Variants in C19orf18 observed in about 807,000 individuals in gnomAD.
C19orf18 encodes the protein uncharacterized protein C19orf18.
A neutral mutation model predicts 23.3 loss-of-function variants in C19orf18; 21 were observed. That is an observed-to-expected ratio of 0.90 (90% confidence interval 0.64 to 1.30). The LOEUF (loss-of-function observed/expected upper bound fraction) is 1.30. Ranked by LOEUF, C19orf18 falls within the 50% of genes most tolerant of loss-of-function variation. The pLI is 0.00. For missense variants in C19orf18, 249 were observed against 259.6 expected, an observed-to-expected ratio of 0.96 and a Z score of 0.28; for synonymous variants, 96 against 95.2, an observed-to-expected ratio of 1.01 and a Z score of -0.05.
At chr19:57,968,140 A>G (rs1176846207) in intron 3 of C19orf18, among the ~76,000 whole-genome samples, 4 of 152,270 alleles carry the variant, frequency 2.6e-5, no homozygotes, top group African/African-American at 4.8e-5. Flanking sequence ...TTCTGGTTCA[A>G]CAGAGGGTGC....
intron 4 of C19orf18, among the ~76,000 whole-genome samples, chr19:57,963,760 G>A (rs2072889646): frequency 6.6e-6 from 1 of 151,990 alleles, no homozygotes; most frequent in South Asian, 2.1e-4. Context: ...CGTGGTGGCG[G>A]GTGCCTGTAG....
intron 3 of C19orf18, among the ~76,000 whole-genome samples, chr19:57,971,925 A>C (rs1459449691): frequency 6.6e-6 from 1 of 152,106 alleles, no homozygotes; most frequent in Admixed American, 6.6e-5. Flanking sequence ...CTCACTCAGC[A>C]TATGTGATTA....
chr19:57,971,088 T>C lies in C19orf18; in HGVS notation c.268+1375A>G, dbSNP rs1030504736. On this transcript the variant is annotated intron_variant, in intron 3 of 5. Coordinates refer to ENST00000314391, the MANE Select transcript of C19orf18 (RefSeq NM_152474.5). ...AATGGGCAGGTGAAACAGTCATAGCTGAGCTTTAGGAAGATTGATAATGTG... is the reference window on the plus strand; with the variant it reads ...AATGGGCAGGTGAAACAGTCATAGCCGAGCTTTAGGAAGATTGATAATGTG... Among the ~76,000 whole-genome samples the C allele has an allele frequency of 1.4e-4, 21 of 152,202 alleles. 1 individual carries two copies. The highest frequency in any genetic ancestry group is 4.4e-5 in the Non-Finnish European group (3 of 68,034).
intron 5 of C19orf18, 107 bp downstream of exon 5, chr19:57,961,284 A>G (rs1479524716): frequency 1.7e-6 from 2 of 1,165,108 alleles, no homozygotes; most frequent in East Asian, 4.8e-5. Flanking sequence ...GAAAGGAAAG[A>G]AAGAAAGAAA....
At chr19:57,963,380 G>A (rs2072886629) in intron 4 of C19orf18, among the ~76,000 whole-genome samples, 1 of 151,924 alleles carries the variant, frequency 6.6e-6, no homozygotes, top group Admixed American at 6.6e-5. Context: ...ACAAAATCCA[G>A]GATATACCAA....
chr19:57,964,976 T>A (rs2072898659), intron 4 of C19orf18, among the ~76,000 whole-genome samples: 1 of 152,138 alleles, frequency 6.6e-6, no homozygotes, highest in African/African-American at 2.4e-5. Context: ...CCAAGCTTTA[T>A]TTGCGAAGAC....
At chr19:57,973,239 C>T (rs567101273) in intron 2 of C19orf18, among the ~76,000 whole-genome samples, 3 of 147,606 alleles carry the variant, frequency 2.0e-5, no homozygotes, top group Non-Finnish European at 3.0e-5. Flanking sequence ...GTCCTTTCCT[C>T]GGACACAAAT....
At chr19:57,959,098 G>A (rs1253434549) in intron 5 of C19orf18, among the ~76,000 whole-genome samples, 1 of 152,182 alleles carries the variant, frequency 6.6e-6, no homozygotes, top group African/African-American at 2.4e-5. Flanking sequence ...AGTTTTTAGA[G>A]AGTGAGTCCA....
intron 3 of C19orf18, among the ~76,000 whole-genome samples, chr19:57,967,410 A>C (rs1232028747): frequency 3.9e-5 from 6 of 152,160 alleles, no homozygotes; most frequent in Non-Finnish European, 8.8e-5. Flanking sequence ...CTACGGTGCC[A>C]GTTCATTCTG....
At chr19:57,972,601 C>G in intron 2 of C19orf18, 97 bp from the exon 3 acceptor site, 1 of 1,320,390 alleles carries the variant, frequency 7.6e-7, no homozygotes, top group Non-Finnish European at 1.1e-6. Context: ...TAGAGAAGGA[C>G]GCCGAACACA....
chr19:57,960,316 C>T (rs941398647), intron 5 of C19orf18, among the ~76,000 whole-genome samples: 1 of 150,810 alleles, frequency 6.6e-6, no homozygotes, highest in Non-Finnish European at 1.5e-5. Flanking sequence ...GTCCCAGCTA[C>T]TCGGGAGGCT....
intron 5 of C19orf18, among the ~76,000 whole-genome samples, chr19:57,959,121 T>C (rs929157027): frequency 6.6e-6 from 1 of 152,186 alleles, no homozygotes; most frequent in Non-Finnish European, 1.5e-5. Flanking sequence ...TGAGGATGGT[T>C]AGTATGTCTG....
intron 4 of C19orf18, among the ~76,000 whole-genome samples, chr19:57,964,655 G>A (rs2072896289): frequency 6.6e-6 from 1 of 152,192 alleles, no homozygotes; most frequent in African/African-American, 2.4e-5. Context: ...GCTCTCATTA[G>A]CAAAATTCCC....
chr19:57,973,563 A>G (rs1262044362), intron 2 of C19orf18, among the ~76,000 whole-genome samples: 1 of 151,904 alleles, frequency 6.6e-6, no homozygotes, highest in Non-Finnish European at 1.5e-5. Context: ...GTCTCTACTA[A>G]AAATACAAAA....
Position 57,974,349 on chromosome 19 carries a change from A to G in C19orf18, c.84T>C (p.Asp28=). The part of the protein sequence containing the change: ...CQLHLCLPYA[D]GLHPTGNITG... ...TTATGTTTCCAGTGGGATGGAGTCC[A>G]TCTGCATACGGCAAGCATAAATGAA... Residue 28 remains aspartate, a synonymous_variant, in exon 1 of 6, where the codon GAT becomes GAC. Transcript: ENST00000314391. 6.2e-7 allele frequency: 1 copy of G among 1,614,198 alleles called. No individual in the cohort carries two copies. Among genetic ancestry groups the G allele is most frequent in the Non-Finnish European group, 8.5e-7 (1 of 1,180,018 alleles).
In C19orf18 at chr19:57,958,679, G is replaced by C; in HGVS notation, c.571C>G (p.Leu191Val). 2 of 1,600,410 alleles carry C rather than the reference G, an allele frequency of 1.2e-6. No homozygotes were observed. The highest frequency in any genetic ancestry group is 1.7e-6 in the Non-Finnish European group (2 of 1,173,416). Residue 191 changes from leucine to valine, a missense_variant, in exon 6 of 6, where the codon CTG becomes GTG. Coordinates refer to ENST00000314391, the MANE Select transcript of C19orf18 (RefSeq NM_152474.5). ...GTTACTGAGTTTTGCTCTTCCTTCAGTTTCTTCTTAATATTTTTGCTTCTT... is the reference window on the plus strand; with the variant it reads ...GTTACTGAGTTTTGCTCTTCCTTCACTTTCTTCTTAATATTTTTGCTTCTT... ...SKRSKNIKKK[L>V]KEEQNSVTEN...
At chr19:57,958,792 A>G (rs1364784662) in intron 5 of C19orf18, 75 bp from the exon 6 acceptor site, 4 of 771,022 alleles carry the variant, frequency 5.2e-6, no homozygotes, top group Non-Finnish European at 8.0e-6. Context: ...GGTGAGGGAA[A>G]AAGCCTGGAA....
At chr19:57,960,771 C>A (rs945675398) in intron 5 of C19orf18, among the ~76,000 whole-genome samples, 7 of 152,208 alleles carry the variant, frequency 4.6e-5, no homozygotes, top group African/African-American at 1.7e-4. Flanking sequence ...AACCCCACAG[C>A]TGTTCACCCC....
intron 5 of C19orf18, among the ~76,000 whole-genome samples, chr19:57,960,233 T>G (rs1389743399): frequency 6.6e-6 from 1 of 151,968 alleles, no homozygotes; most frequent in South Asian, 2.1e-4. Flanking sequence ...GAGACCATCC[T>G]GGCTAACACG....
Sources: gnomAD v4.1 joint callset for allele counts (sites outside exome capture counted in the v4.1 genomes callset) on GRCh38, gnomAD v4.1.1 for gene constraint, MANE v1.5 for transcripts, NCBI Gene and HGNC (gene_info 2026-07-23, HGNC 2026-07-21) for gene names.